The following SLC46A2 variants were observed in gnomAD, a reference collection of about 807,000 sequenced individuals.
The protein encoded by SLC46A2 is thymic stromal co-transporter.
SLC46A2 carries 25 observed loss-of-function variants against 33.1 expected under a neutral mutation model. The observed-to-expected ratio is 0.76, with a 90% CI of 0.55 to 1.06. The LOEUF (loss-of-function observed/expected upper bound fraction) is 1.06, where lower values mean the gene tolerates loss of function less well. Among genes scored for constraint, SLC46A2 ranks in the 50% least tolerant of loss-of-function variants. SLC46A2 has a pLI of 0.00. For missense variants in SLC46A2, 622 were observed against 621.7 expected (o/e 1.00, Z 0.00); for synonymous variants, 254 against 275.9 (o/e 0.92, Z 0.79).
At chr9:112,885,151 C>T (rs1841627169) in intron 3 of SLC46A2, 1 of 152,124 alleles carries the variant, frequency 6.6e-6, no homozygotes, top group African/African-American at 2.4e-5. Flanking sequence ...TTATTTTTCT[C>T]AATTATGAAA....
intron 3 of SLC46A2, among the ~76,000 whole-genome samples, chr9:112,883,000 T>C (rs1257700178): frequency 6.6e-6 from 1 of 152,166 alleles, no homozygotes; most frequent in Non-Finnish European, 1.5e-5. Context: ...AAATATCTCC[T>C]GAGGAAAGAG....
chr9:112,887,405 C>A lies in SLC46A2; in HGVS notation c.1138G>T (p.Val380Phe). ...ACGGGGATGAGAGCAAACAGCATGA[C>A]GGCTCGAGCTGAAAGAGATCACACA... is the stretch of plus-strand genomic sequence containing the variant. Reference protein sequence around the residue: ...ETYMFYIARAVMLFALIPVTT... With the variant: ...ETYMFYIARAFMLFALIPVTT... The change falls in exon 2 of 4, where the codon GTC becomes TTC. Residue 380 changes from valine to phenylalanine, a missense_variant. Transcript: ENST00000374228. The A allele has an allele frequency of 6.2e-7, 1 of 1,608,422 alleles. No homozygotes were observed. Among genetic ancestry groups the A allele is most frequent in the Non-Finnish European group, 8.5e-7 (1 of 1,177,720 alleles).
chr9:112,883,404 G>A (rs1426113657), intron 3 of SLC46A2, among the ~76,000 whole-genome samples: 5 of 152,106 alleles, frequency 3.3e-5, no homozygotes, highest in Non-Finnish European at 7.4e-5. Context: ...TCCTGTCTCT[G>A]CCACTTCCTA....
chr9:112,882,690 G>A (rs1338674081), intron 3 of SLC46A2, among the ~76,000 whole-genome samples: 1 of 152,014 alleles, frequency 6.6e-6, no homozygotes, highest in Non-Finnish European at 1.5e-5. Flanking sequence ...GATTGGAGGT[G>A]GGGGGAGATG....
chr9:112,889,815 A>G lies in SLC46A2; in HGVS notation c.867T>C (p.Gly289=). 6.2e-7 allele frequency: 1 copy of G among 1,614,140 alleles called. No individual in the cohort carries two copies. Among genetic ancestry groups the G allele is most frequent in the Non-Finnish European group, 8.5e-7 (1 of 1,180,028 alleles). The change falls in exon 1 of 4, where the codon GGT becomes GGC. Residue 289 remains glycine (G), a synonymous_variant. Coordinates refer to ENST00000374228, the MANE Select transcript of SLC46A2 (RefSeq NM_033051.4). The part of the protein sequence containing the change: ...HKTTIALLFV[G]AIIYDLAVVG... ...CCACCGCCAGGTCATATATGATAGC[A>G]CCCACAAAGAGCAAGGCAATGGTGG...
chr9:112,885,453 T>TATAC (rs1841631192), intron 3 of SLC46A2: 1 of 150,884 alleles, frequency 6.6e-6, no homozygotes, highest in Non-Finnish European at 1.5e-5. Flanking sequence ...TATATATATA[T>TATAC]ATATTCCTTT....
intron 3 of SLC46A2, among the ~76,000 whole-genome samples, chr9:112,883,704 T>C (rs1355839067): frequency 6.7e-6 from 1 of 149,240 alleles, no homozygotes; most frequent in Admixed American, 6.6e-5. Flanking sequence ...TCTTTTCTTT[T>C]TTTTTTTTTT....
intron 3 of SLC46A2, among the ~76,000 whole-genome samples, chr9:112,882,396 T>C (rs146951196): frequency 6.6e-6 from 1 of 152,134 alleles, no homozygotes; most frequent in South Asian, 2.1e-4. Context: ...TGTGAGCCAC[T>C]GCACCCAGCC....
rs952445037 is a variant in SLC46A2, at chr9:112,878,963, T to A, written c.*799A>T. On this transcript the variant is annotated 3_prime_UTR_variant, in exon 4 of 4. Transcript: ENST00000374228. ...TATTAGGTGAGTCTGCTTTTATAAA[T>A]CCAAGTAAACAAGGTTATAAAAATG... is the stretch of plus-strand genomic sequence containing the variant. 1 of 152,210 alleles carries A rather than the reference T, an allele frequency of 6.6e-6. No individual in the cohort carries two copies. The highest frequency in any genetic ancestry group is 2.4e-5 in the African/African-American group (1 of 41,438). The allele number at this position is 152,210 out of a possible 1,614,324, so 9.4% of individuals were successfully genotyped here. A position where few individuals can be genotyped will look rare whatever the true frequency, so the allele number is the denominator to read the frequency against.
Position 112,890,293 on chromosome 9 carries a change from T to A in SLC46A2, c.389A>T (p.Asp130Val), listed in dbSNP as rs148598559. The change falls in exon 1 of 4, where the codon GAC (aspartate) becomes GTC (valine). Residue 130 changes from aspartate to valine, a missense_variant. Transcript: ENST00000374228. This position sits in a 1 kb window ranked among gnomAD's most constrained non-coding sequence, Gnocchi z 6.0. ...CCCGTACAGCACCTCCACTGGCCAG[T>A]CCAGCAGCACCTTGAGCAGCAGCCC... ...RLGLLLKVLL[D>V]WPVEVLYGAA... 3 of 1,613,368 alleles carry A rather than the reference T, an allele frequency of 1.9e-6. No homozygotes were observed.
chr9:112,890,598 C>T lies in SLC46A2; in HGVS notation c.84G>A (p.Ser28=). The T allele has an allele frequency of 1.9e-6, 3 of 1,609,862 alleles. No individual in the cohort carries two copies. The highest frequency in any genetic ancestry group is 4.5e-5 in the East Asian group (2 of 44,854). The change falls in exon 1 of 4, where the codon TCG becomes TCA. Residue 28 remains serine, a synonymous_variant. Coordinates refer to ENST00000374228, the MANE Select transcript of SLC46A2 (RefSeq NM_033051.4). The surrounding 1 kb of genome is among the most constrained non-coding windows in gnomAD (Gnocchi z 6.0). ...CGTAGAGGGAGGCAGCCACCTGGGA[C>T]GAGGCCACCACGGGCTCAACCCAGG... ...PRTWVEPVVA[S]SQVAASLYDA...
At chr9:112,880,042 C>G (rs1380072237) in intron 3 of SLC46A2, 1 of 432,086 alleles carries the variant, frequency 2.3e-6, no homozygotes, top group Non-Finnish European at 4.2e-6. Flanking sequence ...TAGATAGAAT[C>G]TCTGGGGGCC....
Position 112,879,751 on chromosome 9 carries a change from G to A in SLC46A2, c.*11C>T. On this transcript the variant is annotated 3_prime_UTR_variant, in exon 4 of 4. Coordinates refer to ENST00000374228, the MANE Select transcript of SLC46A2 (RefSeq NM_033051.4). Reference sequence around the variant, plus strand: ...ATGGCTGATGTTTTCAGTTCCTGCAGGTAAGCATCTTCATTTCTCTATGAT... The same window carrying A: ...ATGGCTGATGTTTTCAGTTCCTGCAAGTAAGCATCTTCATTTCTCTATGAT... 6 of 1,611,310 alleles carry A rather than the reference G, an allele frequency of 3.7e-6. No individual in the cohort carries two copies. Among genetic ancestry groups the A allele is most frequent in the Non-Finnish European group, 5.1e-6 (6 of 1,177,772 alleles).
rs769575937 is a variant in SLC46A2 at position 112,886,563 on chromosome 9, A to T, written c.1267T>A (p.Ser423Thr). The T allele has an allele frequency of 5.6e-6, 9 of 1,614,018 alleles. No homozygotes were observed. In the Admixed American group the frequency reaches 1.0e-4, roughly 18 times the overall value. The change falls in exon 3 of 4, where the codon TCC (serine) becomes ACC (threonine). Residue 423 changes from serine to threonine, a missense_variant. Transcript: ENST00000374228. ...TGGTAGATCTTGTTGTACAAGGTGGATGTCACCACGCCGGTCAGAGCCAAG... is the reference window on the plus strand; with the variant it reads ...TGGTAGATCTTGTTGTACAAGGTGGTTGTCACCACGCCGGTCAGAGCCAAG... ...LSLALTGVVT[S>T]TLYNKIYQLT... is the part of the protein sequence containing the mutation.
At position 112,890,636 on chromosome 9, in the gene SLC46A2, A is replaced by G; in HGVS notation, c.46T>C (p.Phe16Leu). ...TCPRRGHLPR[F>L]HPRTWVEPVV... ...GGCTCAACCCAGGTCCTCGGGTGGA[A>G]GCGAGGCAGGTGGCCCCTCCGCGGG... Residue 16 changes from phenylalanine (F) to leucine (L), a missense_variant, in exon 1 of 4, where the codon TTC becomes CTC. By Grantham distance (22) the Phe-to-Leu change is conservative (BLOSUM62 0). Coordinates refer to ENST00000374228, the MANE Select transcript of SLC46A2 (RefSeq NM_033051.4). This position sits in a 1 kb window ranked among gnomAD's most constrained non-coding sequence, Gnocchi z 6.0. 6.2e-7 allele frequency: 1 copy of G among 1,602,612 alleles called. No homozygotes were observed. Among genetic ancestry groups the G allele is most frequent in the Non-Finnish European group, 8.5e-7 (1 of 1,179,842 alleles).
chr9:112,889,743 G>T lies in SLC46A2; in HGVS notation c.939C>A (p.Leu313=), dbSNP rs139403102. The T allele has an allele frequency of 6.2e-7, 1 of 1,613,992 alleles. No homozygotes were observed. Among genetic ancestry groups the T allele is most frequent in the African/African-American group, 1.3e-5 (1 of 74,914 alleles). The change falls in exon 1 of 4, where the codon CTC becomes CTA. Residue 313 remains leucine, a synonymous_variant. Transcript: ENST00000374228. Reference sequence around the variant, plus strand: ...AGCCCACCTGCACTTGGTTCCAACCGAGAGGCTCCCTCAGCACAAAAAGAG... The same window carrying T: ...AGCCCACCTGCACTTGGTTCCAACCTAGAGGCTCCCTCAGCACAAAAAGAG... The part of the protein sequence containing the change: ...VIPLFVLREP[L]GWNQVQVGYG...
intron 3 of SLC46A2, among the ~76,000 whole-genome samples, chr9:112,882,908 A>G (rs1376227864): frequency 6.6e-6 from 1 of 152,238 alleles, no homozygotes; most frequent in Non-Finnish European, 1.5e-5. Flanking sequence ...AACAATTCCT[A>G]CATGGGAGGT....
intron 1 of SLC46A2, among the ~76,000 whole-genome samples, chr9:112,887,977 GAGAC>G (rs1416550463): frequency 2.8e-4 from 43 of 151,752 alleles, no homozygotes; most frequent in African/African-American, 8.9e-4. Context: ...ACGCACAAGA[GAGAC>G]AGATAGAGAC....
chr9:112,885,693 A>C (rs1841634900), intron 3 of SLC46A2: 1 of 152,168 alleles, frequency 6.6e-6, no homozygotes, highest in African/African-American at 2.4e-5. Flanking sequence ...CCTCATTGAC[A>C]CATTTTGTAA....
Sources: gnomAD v4.1 joint callset for allele counts (sites outside exome capture counted in the v4.1 genomes callset) on GRCh38, gnomAD v4.1.1 for gene constraint, Gnocchi (gnomAD v3.1) non-coding constraint, MANE v1.5 for transcripts, NCBI Gene and HGNC (gene_info 2026-07-23, HGNC 2026-07-21) for gene names.